BCAP29: variants seen among roughly 807,000 people sequenced by gnomAD.
The protein encoded by BCAP29 is B-cell receptor-associated protein 29.
Under a neutral mutation model 31.8 loss-of-function variants are expected in BCAP29, and 34 were observed. The observed-to-expected ratio is 1.07, with a 90% CI of 0.81 to 1.42. The LOEUF (loss-of-function observed/expected upper bound fraction) is 1.42. BCAP29 is among the 40% of genes most tolerant of loss of function. The pLI is 0.00. For missense variants in BCAP29, 314 were observed against 269.2 expected (o/e 1.17, Z -1.16); for synonymous variants, 104 against 91.3 (o/e 1.14, Z -0.79).
intron 6 of BCAP29, 55 bp from the exon 7 acceptor site, chr7:107,613,277 T>G: frequency 7.3e-7 from 1 of 1,367,382 alleles, no homozygotes; most frequent in Middle Eastern, 1.8e-4. Flanking sequence ...TTGTAACTTT[T>G]CTATAAATTT....
At chr7:107,588,522 G>A (rs918102488) in intron 3 of BCAP29, among the ~76,000 whole-genome samples, 5 of 152,082 alleles carry the variant, frequency 3.3e-5, no homozygotes, top group African/African-American at 1.2e-4. Context: ...ATGAACCCTC[G>A]ATAAAATACG....
chr7:107,590,804 G>T (rs373668948), intron 3 of BCAP29, among the ~76,000 whole-genome samples: 2 of 147,966 alleles, frequency 1.4e-5, no homozygotes, highest in Non-Finnish European at 3.0e-5. Flanking sequence ...GGGTGACAAA[G>T]CGAGACCCTG....
intron 3 of BCAP29, among the ~76,000 whole-genome samples, chr7:107,590,417 T>C (rs1045778816): frequency 6.6e-6 from 1 of 152,166 alleles, no homozygotes; most frequent in African/African-American, 2.4e-5. Context: ...ATTTGAGTAA[T>C]AGATGTCCTA....
downstream of BCAP29, chr7:107,621,254 C>A (rs554294687): frequency 1.2e-5 from 2 of 166,874 alleles, no homozygotes; most frequent in Middle Eastern, 2.9e-3. Context: ...TGGGATGATC[C>A]GTCTAGAGTC....
rs779293109 is a variant in BCAP29 at position 107,580,826 on chromosome 7, C to A, written c.54C>A (p.Leu18=). 16 of 1,589,974 alleles carry A rather than the reference C, an allele frequency of 1.0e-5. No individual in the cohort carries two copies. Among genetic ancestry groups the A allele is most frequent in the Non-Finnish European group, 1.4e-5 (16 of 1,170,120 alleles). The change falls in exon 2 of 8, where the codon CTC becomes CTA. Residue 18 remains leucine (L), a synonymous_variant. Transcript: ENST00000005259. ...CCTTTCTTTATGCCGAAATAGGACT[C>A]ATTTTAATCTTCTGCCTACCTTTTA... ...VATFLYAEIG[L]ILIFCLPFIP...
chr7:107,599,762 G>A (rs766741875), intron 5 of BCAP29, among the ~76,000 whole-genome samples: 2 of 151,814 alleles, frequency 1.3e-5, no homozygotes, highest in Non-Finnish European at 2.9e-5. Flanking sequence ...TTACTATATG[G>A]ATCTTAATTT....
intron 7 of BCAP29, among the ~76,000 whole-genome samples, chr7:107,617,689 A>C (rs1814439822): frequency 6.6e-6 from 1 of 152,214 alleles, no homozygotes. Flanking sequence ...ATTTGATTGC[A>C]AAAGTTAATG....
In BCAP29 at chr7:107,616,071, ACTGCTTT is replaced by A; in HGVS notation, c.691-2256_691-2250del. Among the ~76,000 whole-genome samples, 4 of 152,168 alleles carry A rather than the reference ACTGCTTT, an allele frequency of 2.6e-5. 1 individual carries two copies. In the Middle Eastern group the frequency reaches 0.014, roughly 518 times the overall value. On this transcript the variant is annotated intron_variant, in intron 7 of 7. Transcript: ENST00000005259. The stretch of plus-strand genomic sequence containing the variant: ...TTCTTGGATCCATTCTCCTCTCACC[ACTGCTTT>A]ACTCTGTATCTCTGGGAGGCCCGTT...
intron 3 of BCAP29, among the ~76,000 whole-genome samples, chr7:107,587,069 A>G (rs1005721495): frequency 1.3e-5 from 2 of 152,108 alleles, no homozygotes; most frequent in African/African-American, 2.4e-5. Context: ...GTATTCTTAG[A>G]GCCAACACTA....
intron 3 of BCAP29, among the ~76,000 whole-genome samples, chr7:107,585,269 C>T (rs1015230140): frequency 2.0e-5 from 3 of 152,320 alleles, no homozygotes; most frequent in Admixed American, 1.3e-4. Context: ...AACCACCAAT[C>T]TCTCAAATAG....
At chr7:107,613,767 A>T (rs770344229) in intron 7 of BCAP29, 1 of 1,585,620 alleles carries the variant, frequency 6.3e-7, no homozygotes, top group Admixed American at 1.7e-5. Flanking sequence ...TGCCATATTC[A>T]TGCCAAAATG....
intron 2 of BCAP29, 131 bp downstream of exon 2, chr7:107,580,995 A>G (rs532849750): frequency 4.9e-5 from 26 of 535,294 alleles, no homozygotes; most frequent in African/African-American, 4.6e-4. Flanking sequence ...TAGGTAGTAT[A>G]TAATGACAAT....
At chr7:107,613,689 C>G in intron 7 of BCAP29, 1 of 1,606,308 alleles carries the variant, frequency 6.2e-7, no homozygotes, top group African/African-American at 1.4e-5. Flanking sequence ...GCAAAAGAAG[C>G]CACAAAAATG....
downstream of BCAP29, chr7:107,621,437 G>T (rs745779811): frequency 4.5e-6 from 1 of 223,490 alleles, no homozygotes; most frequent in African/African-American, 2.3e-5. Context: ...CACCAGAAAT[G>T]ATTTCAAACA....
At chr7:107,613,653 G>GCATTC (rs538415663) in intron 7 of BCAP29, 1 of 1,604,734 alleles carries the variant, frequency 6.2e-7, no homozygotes, top group East Asian at 2.2e-5. Context: ...CATACTTACA[G>GCATTC]CATTCCAGTT....
At chr7:107,581,214 A>G (rs779309647) in intron 2 of BCAP29, among the ~76,000 whole-genome samples, 6 of 152,324 alleles carry the variant, frequency 3.9e-5, no homozygotes, top group Middle Eastern at 3.4e-3. Context: ...CTAAATAAAT[A>G]TAAGTGGATA....
intron 4 of BCAP29, among the ~76,000 whole-genome samples, chr7:107,595,594 A>G (rs1809665082): frequency 6.6e-6 from 1 of 152,122 alleles, no homozygotes. Flanking sequence ...TCCTGTTTCT[A>G]TTCCTCCAAG....
intron 4 of BCAP29, among the ~76,000 whole-genome samples, chr7:107,595,270 C>G (rs1045069762): frequency 1.3e-5 from 2 of 152,214 alleles, no homozygotes; most frequent in Admixed American, 1.3e-4. Context: ...TAATTAAATA[C>G]TGTTTTAACT....
intron 3 of BCAP29, among the ~76,000 whole-genome samples, chr7:107,592,454 G>A (rs897924581): frequency 6.6e-6 from 1 of 152,202 alleles, no homozygotes; most frequent in Non-Finnish European, 1.5e-5. Context: ...TGAGGATATG[G>A]AGAAATTGGA....
Sources: gnomAD v4.1 joint callset for allele counts (sites outside exome capture counted in the v4.1 genomes callset) on GRCh38, gnomAD v4.1.1 for gene constraint, MANE v1.5 for transcripts, NCBI Gene and HGNC (gene_info 2026-07-23, HGNC 2026-07-21) for gene names.